The following RAB27A variants were observed in gnomAD, a reference collection of about 807,000 sequenced individuals.
RAB27A encodes ras-related protein Rab-27A.
RAB27A carries 17 observed loss-of-function variants against 20.8 expected under a neutral mutation model. That is an observed-to-expected ratio of 0.82 (90% confidence interval 0.56 to 1.23). The LOEUF is 1.23. Among genes scored for constraint, RAB27A ranks in the 50% most tolerant of loss-of-function variants. The pLI, the probability that RAB27A is intolerant of heterozygous loss-of-function variation, is 0.00. For missense variants in RAB27A, 277 were observed against 266.7 expected (o/e 1.04, Z -0.27); for synonymous variants, 85 against 92.8 (o/e 0.92, Z 0.48).
At chr15:55,318,393 G>A (rs1356715374) in intron 1 of RAB27A, among the ~76,000 whole-genome samples, 2 of 140,220 alleles carry the variant, frequency 1.4e-5, no homozygotes, top group South Asian at 2.6e-4. Context: ...CACCGCGCCC[G>A]GCCTGGTTTT....
At chr15:55,245,598 G>C (rs914350847) in intron 2 of RAB27A, among the ~76,000 whole-genome samples, 2 of 152,182 alleles carry the variant, frequency 1.3e-5, no homozygotes, top group Non-Finnish European at 2.9e-5. Context: ...CAGTGATGTT[G>C]AGGCAGCAGA....
chr15:55,215,639 G>A (rs1369635750), intron 6 of RAB27A, among the ~76,000 whole-genome samples: 9 of 94,082 alleles, frequency 9.6e-5, no homozygotes, highest in African/African-American at 2.2e-4. Flanking sequence ...GCGACAGAGC[G>A]AGACTCCGTC....
intron 1 of RAB27A, among the ~76,000 whole-genome samples, chr15:55,271,630 G>A (rs1360486624): frequency 6.6e-6 from 1 of 152,208 alleles, no homozygotes; most frequent in African/African-American, 2.4e-5. Context: ...TTTATTTCTT[G>A]GTCTTTGCTG....
chr15:55,209,677 T>C (rs760044396), intron 6 of RAB27A, among the ~76,000 whole-genome samples: 5 of 151,140 alleles, frequency 3.3e-5, no homozygotes, highest in Non-Finnish European at 7.4e-5. Context: ...TATATCTCTC[T>C]CCTAAGAAAA....
In RAB27A at chr15:55,270,258, G is replaced by A. The variant is rs575289675; in HGVS notation, c.-116C>T. On this transcript the variant is annotated 5_prime_UTR_variant, in exon 2 of 7. Transcript: ENST00000336787. ...AACAATTGACAACTTCCAATCACAT[G>A]TCCTCTTCAGGAAGGTTACTTTTTG... is the stretch of plus-strand genomic sequence containing the variant. The A allele has an allele frequency of 6.6e-6, 1 of 152,262 alleles. No individual in the cohort carries two copies. Among genetic ancestry groups the A allele is most frequent in the East Asian group, 1.9e-4 (1 of 5,192 alleles). The allele number at this position is 152,262 out of a possible 1,614,324, so 9.4% of individuals were successfully genotyped here. A position where few individuals can be genotyped will look rare whatever the true frequency, so the allele number is the denominator to read the frequency against.
At chr15:55,212,813 G>A (rs749276850) in intron 6 of RAB27A, among the ~76,000 whole-genome samples, 2 of 152,230 alleles carry the variant, frequency 1.3e-5, no homozygotes, top group East Asian at 3.8e-4. Flanking sequence ...ACAGGCATGA[G>A]CCACCGCACC....
intron 5 of RAB27A, among the ~76,000 whole-genome samples, chr15:55,227,481 T>A (rs1372758844): frequency 1.3e-5 from 2 of 152,132 alleles, no homozygotes; most frequent in African/African-American, 2.4e-5. Context: ...GAAGCCCCAG[T>A]AAGCATTACT....
intron 2 of RAB27A, chr15:55,259,786 T>C (rs1049338604): frequency 1.3e-5 from 2 of 152,170 alleles, no homozygotes; most frequent in African/African-American, 4.8e-5. Context: ...TGATATGCAA[T>C]AAATGAATGG....
intron 2 of RAB27A, among the ~76,000 whole-genome samples, chr15:55,248,666 T>C (rs1395690725): frequency 6.6e-6 from 1 of 152,208 alleles, no homozygotes; most frequent in Non-Finnish European, 1.5e-5. Context: ...AATATTAGTA[T>C]CTATAAATAT....
intron 2 of RAB27A, among the ~76,000 whole-genome samples, chr15:55,259,578 TGCCCA>T (rs2141062606): frequency 6.6e-6 from 1 of 152,330 alleles, no homozygotes; most frequent in Non-Finnish European, 1.5e-5. Flanking sequence ...TGAGCCACCA[TGCCCA>T]GCCAAGAAAT....
Position 55,243,605 on chromosome 15 carries a change from C to T in RAB27A, c.-22-8649G>A, listed in dbSNP as rs112819296. ...TCACACCACTGCACTACAGCCTGGG[C>T]GACACAGCGAGACTCTATCTCAAAA... is the stretch of plus-strand genomic sequence containing the variant. On this transcript the variant is annotated intron_variant, in intron 2 of 6. Coordinates refer to ENST00000336787, the MANE Select transcript of RAB27A (RefSeq NM_183235.3). Among the ~76,000 whole-genome samples, 538 of 150,754 alleles carry T rather than the reference C, an allele frequency of 3.6e-3. 5 individuals are homozygous for T. Among genetic ancestry groups the T allele is most frequent in the African/African-American group, 0.012 (502 of 40,890 alleles).
chr15:55,307,265 A>G (rs117407859), intron 2 of RAB27A, among the ~76,000 whole-genome samples: 7,739 of 151,904 alleles, frequency 0.051, 274 homozygotes, highest in East Asian at 0.15. Flanking sequence ...TAAGTTGGCC[A>G]TCTCTTGGTC....
intron 2 of RAB27A, among the ~76,000 whole-genome samples, chr15:55,248,540 G>T (rs1298157039): frequency 6.6e-6 from 1 of 152,140 alleles, no homozygotes; most frequent in African/African-American, 2.4e-5. Context: ...CCCCTGCAAA[G>T]TATGGGAAAA....
intron 2 of RAB27A, among the ~76,000 whole-genome samples, chr15:55,306,074 A>G (rs2054995686): frequency 6.6e-6 from 1 of 152,234 alleles, no homozygotes; most frequent in African/African-American, 2.4e-5. Flanking sequence ...GAGGTACCAC[A>G]GACAAAAAAT....
At chr15:55,306,159 G>A (rs1458986617) in intron 2 of RAB27A, among the ~76,000 whole-genome samples, 3 of 152,144 alleles carry the variant, frequency 2.0e-5, no homozygotes, top group Admixed American at 6.5e-5. Context: ...TGTGTCTATC[G>A]TATTGCTAAA....
At chr15:55,254,574 T>C (rs959754368) in intron 2 of RAB27A, among the ~76,000 whole-genome samples, 12 of 152,328 alleles carry the variant, frequency 7.9e-5, no homozygotes, top group Non-Finnish European at 1.3e-4. Context: ...TTAGCTCTTA[T>C]AATATACTTA....
At chr15:55,244,450 G>A (rs999613622) in intron 2 of RAB27A, among the ~76,000 whole-genome samples, 4 of 152,128 alleles carry the variant, frequency 2.6e-5, no homozygotes, top group Non-Finnish European at 5.9e-5. Context: ...TCACAGCAGT[G>A]CACAACACCA....
At chr15:55,220,984 C>T (rs1895543104) in intron 6 of RAB27A, among the ~76,000 whole-genome samples, 1 of 152,142 alleles carries the variant, frequency 6.6e-6, no homozygotes, top group African/African-American at 2.4e-5. Flanking sequence ...CTCATTTTAA[C>T]CCAATTCAAA....
chr15:55,241,600 T>TTCTTTATATATATATATATATATA (rs1388634936), intron 2 of RAB27A, among the ~76,000 whole-genome samples: 1 of 123,898 alleles, frequency 8.1e-6, no homozygotes, highest in African/African-American at 4.3e-5. Context: ...CAAGACCTAT[T>TTCTTTATATATATATATATATATA]TATATATATA....
Sources: gnomAD v4.1 joint callset for allele counts (sites outside exome capture counted in the v4.1 genomes callset) on GRCh38, gnomAD v4.1.1 for gene constraint, MANE v1.5 for transcripts, NCBI Gene and HGNC (gene_info 2026-07-23, HGNC 2026-07-21) for gene names.